Variants in STK32B observed in about 807,000 individuals in gnomAD.
STK32B encodes serine/threonine-protein kinase 32B.
A neutral mutation model predicts 52.6 loss-of-function variants in STK32B; 43 were observed. The observed-to-expected ratio is 0.82, with a 90% CI of 0.64 to 1.05. STK32B has a LOEUF of 1.05. STK32B is among the 50% of genes least tolerant of loss of function. The pLI is 0.00. For synonymous variants in STK32B, 238 were observed against 204.3 expected (o/e 1.17, Z -1.41); for missense variants, 621 against 534.6 (o/e 1.16, Z -1.59).
chr4:5,107,830 T>G (rs1033349912), intron 1 of STK32B, among the ~76,000 whole-genome samples: 1 of 152,106 alleles, frequency 6.6e-6, no homozygotes, highest in African/African-American at 2.4e-5. Flanking sequence ...GAGGCTCATG[T>G]GAACTCATTT....
intron 3 of STK32B, among the ~76,000 whole-genome samples, chr4:5,201,835 C>T (rs1472918369): frequency 6.6e-6 from 1 of 152,182 alleles, no homozygotes; most frequent in East Asian, 1.9e-4. Context: ...GATCAGATCA[C>T]CTCCTCCCAC....
chr4:5,372,479 A>G (rs902005636), intron 4 of STK32B, among the ~76,000 whole-genome samples: 3 of 152,164 alleles, frequency 2.0e-5, no homozygotes, highest in African/African-American at 7.2e-5. Flanking sequence ...ACACATTCAC[A>G]TTCGAGACAC....
At chr4:5,155,595 C>T (rs1717761013) in intron 2 of STK32B, among the ~76,000 whole-genome samples, 1 of 152,140 alleles carries the variant, frequency 6.6e-6, no homozygotes, top group Admixed American at 6.5e-5. Flanking sequence ...CCCTACCTGT[C>T]AAGGGAGGGG....
rs6847749 is a variant in STK32B at position 5,437,907 on chromosome 4, A to G, written c.563-8766A>G. On this transcript the variant is annotated intron_variant, in intron 6 of 11. Transcript: ENST00000282908. ...TGGTGGCATAGGGATTATGATATCA[A>G]TATTGTTGTGTTCTACCATCAGCTC... 1.8e-3 allele frequency: 1,792 copies of G among 985,322 alleles called. 33 individuals are homozygous for G. The African/African-American group carries it at 0.029, about 16-fold the overall frequency. 61.0% of individuals were successfully genotyped at this position (985,322 alleles called of 1,614,324 possible).
At chr4:5,055,335 A>G (rs958982548) in intron 1 of STK32B, among the ~76,000 whole-genome samples, 9 of 151,712 alleles carry the variant, frequency 5.9e-5, no homozygotes, top group Non-Finnish European at 5.9e-5. Flanking sequence ...TTAGGGGAAT[A>G]AATTGGCTCT....
At chr4:5,283,991 A>T (rs1728382677) in intron 3 of STK32B, among the ~76,000 whole-genome samples, 1 of 152,182 alleles carries the variant, frequency 6.6e-6, no homozygotes, top group African/African-American at 2.4e-5. Context: ...GTGTAAAGCA[A>T]TTTTATTCCT....
At chr4:5,094,999 G>C (rs542557025) in intron 1 of STK32B, among the ~76,000 whole-genome samples, 1 of 152,192 alleles carries the variant, frequency 6.6e-6, no homozygotes, top group Non-Finnish European at 1.5e-5. Context: ...AATGAGATGC[G>C]GCTCTTCCTT....
At chr4:5,332,393 C>T (rs1369602931) in intron 4 of STK32B, among the ~76,000 whole-genome samples, 1 of 152,058 alleles carries the variant, frequency 6.6e-6, no homozygotes. Flanking sequence ...CCCAAAAGCT[C>T]AGGAATTGGC....
At chr4:5,192,265 C>G (rs1721268248) in intron 3 of STK32B, among the ~76,000 whole-genome samples, 1 of 152,278 alleles carries the variant, frequency 6.6e-6, no homozygotes, top group African/African-American at 2.4e-5. Context: ...TTATTGAATT[C>G]CCAGCAAGAC....
intron 4 of STK32B, among the ~76,000 whole-genome samples, chr4:5,365,142 G>T (rs1195581600): frequency 6.6e-6 from 1 of 152,160 alleles, no homozygotes; most frequent in Non-Finnish European, 1.5e-5. Context: ...CCCCCAAAGT[G>T]CTGGGATTAC....
intron 3 of STK32B, among the ~76,000 whole-genome samples, chr4:5,277,948 C>T (rs755556244): frequency 3.9e-5 from 6 of 152,126 alleles, no homozygotes; most frequent in Non-Finnish European, 8.8e-5. Flanking sequence ...GAGTGAGTGA[C>T]CTAGAAACGA....
intron 1 of STK32B, among the ~76,000 whole-genome samples, chr4:5,119,752 A>G (rs530716998): frequency 2.0e-5 from 3 of 152,372 alleles, no homozygotes; most frequent in Admixed American, 2.0e-4. Flanking sequence ...GAAGGACATC[A>G]TATGTGAGCG....
At chr4:5,495,988 T>C in intron 11 of STK32B, among the ~76,000 whole-genome samples, 1 of 152,162 alleles carries the variant, frequency 6.6e-6, no homozygotes, top group East Asian at 1.9e-4. Flanking sequence ...CTGCCCCTAC[T>C]GGGGGGTGCC....
intron 4 of STK32B, among the ~76,000 whole-genome samples, chr4:5,346,174 C>T (rs1023846622): frequency 3.9e-5 from 6 of 152,144 alleles, no homozygotes; most frequent in Non-Finnish European, 7.3e-5. Context: ...TAGTGGTTCC[C>T]GTTTGCCAAT....
the STK32B span, among the ~76,000 whole-genome samples, chr4:5,034,385 T>C: frequency 6.6e-6 from 1 of 152,230 alleles, no homozygotes; most frequent in Admixed American, 6.5e-5. Context: ...ACTTTCCTGC[T>C]GGCCGCTGGG....
chr4:5,357,003 A>ATG (rs1201375214), intron 4 of STK32B, among the ~76,000 whole-genome samples: 10 of 149,410 alleles, frequency 6.7e-5, no homozygotes, highest in African/African-American at 2.3e-4. Flanking sequence ...TCTCTCTCAT[A>ATG]TGTGTATATA....
chr4:5,403,742 A>G, intron 5 of STK32B, among the ~76,000 whole-genome samples: 1 of 152,158 alleles, frequency 6.6e-6, no homozygotes, highest in East Asian at 1.9e-4. Flanking sequence ...TGCTACCCCC[A>G]GCATGCCAGG....
intron 11 of STK32B, among the ~76,000 whole-genome samples, chr4:5,495,770 CTGTT>C (rs1720180352): frequency 6.6e-6 from 1 of 152,172 alleles, no homozygotes; most frequent in Non-Finnish European, 1.5e-5. Flanking sequence ...GATGTCCTTT[CTGTT>C]TGTTAGTTTT....
chr4:5,140,335 T>A, intron 2 of STK32B: 2 of 1,213,058 alleles, frequency 1.6e-6, no homozygotes, highest in South Asian at 3.0e-5. Context: ...TCTTTGACTA[T>A]TTTTTTTGAA....
Sources: gnomAD v4.1 joint callset for allele counts (sites outside exome capture counted in the v4.1 genomes callset) on GRCh38, gnomAD v4.1.1 for gene constraint, MANE v1.5 for transcripts, NCBI Gene and HGNC (gene_info 2026-07-23, HGNC 2026-07-21) for gene names.